The following CSMD1 variants were observed in gnomAD, a reference collection of about 807,000 sequenced individuals.
CSMD1 encodes CUB and Sushi multiple domains 1.
Under a neutral mutation model 417.5 loss-of-function variants are expected in CSMD1, and 213 were observed. The ratio of observed to expected loss-of-function variants is 0.51; its 90% CI spans 0.46 to 0.57. CSMD1 has a LOEUF of 0.57. Among genes scored for constraint, CSMD1 ranks in the 20% least tolerant of loss-of-function variants. The probability of loss-of-function intolerance (pLI) is 0.00; values close to 1 mark genes in which losing one functional copy is unlikely to be tolerated. For synonymous variants in CSMD1, 2,862 were observed against 1,736.8 expected (o/e 1.65, Z -16.11); for missense variants, 6,923 against 4,529.7 (o/e 1.53, Z -15.17).
At chr8:4,110,715 T>C (rs112985781) in intron 3 of CSMD1, among the ~76,000 whole-genome samples, 2,093 of 152,194 alleles carry the variant, frequency 0.014, 43 homozygotes, top group African/African-American at 0.048. Context: ...GGGTTTTTTT[T>C]CCCCTTTCTC....
chr8:3,991,986 A>C (rs1376386250), intron 5 of CSMD1, among the ~76,000 whole-genome samples: 4 of 152,130 alleles, frequency 2.6e-5, no homozygotes, highest in African/African-American at 2.4e-5. Flanking sequence ...CAAAAAAAAT[A>C]CACTATTGAA....
chr8:3,565,215 G>T (rs34339952), intron 10 of CSMD1, among the ~76,000 whole-genome samples: 2,722 of 139,242 alleles, frequency 0.02, 96 homozygotes, highest in African/African-American at 0.058. Context: ...GATAGATAGA[G>T]AGATAGACAG....
chr8:4,381,854 C>G (rs1803128068), intron 3 of CSMD1, among the ~76,000 whole-genome samples: 1 of 152,170 alleles, frequency 6.6e-6, no homozygotes, highest in Admixed American at 6.5e-5. Context: ...CTCAGCATCA[C>G]CTAGGCTCTC....
At chr8:4,012,287 T>G (rs1477834211) in intron 4 of CSMD1, among the ~76,000 whole-genome samples, 1 of 152,180 alleles carries the variant, frequency 6.6e-6, no homozygotes, top group Non-Finnish European at 1.5e-5. Context: ...TGAGTCATCA[T>G]GCCAGTTTCA....
chr8:4,591,196 T>A (rs1232128629), intron 2 of CSMD1, among the ~76,000 whole-genome samples: 1 of 152,188 alleles, frequency 6.6e-6, no homozygotes, highest in Non-Finnish European at 1.5e-5. Flanking sequence ...AGGTATTGGC[T>A]GAGTAAAGAT....
intron 4 of CSMD1, among the ~76,000 whole-genome samples, chr8:4,003,420 A>AAATG (rs1208477572): frequency 2.3e-5 from 1 of 43,564 alleles, no homozygotes; most frequent in Admixed American, 2.0e-4. Context: ...AAAAACAAAC[A>AAATG]AATAAATAAA....
At chr8:3,575,199 C>G in intron 9 of CSMD1, 133 bp from the exon 10 acceptor site, 1 of 942,216 alleles carries the variant, frequency 1.1e-6, no homozygotes, top group African/African-American at 1.7e-5. Flanking sequence ...GGTGCATGGA[C>G]TCCAACTGGG....
At chr8:3,419,547 T>C (rs1390386855) in intron 12 of CSMD1, among the ~76,000 whole-genome samples, 3 of 152,166 alleles carry the variant, frequency 2.0e-5, no homozygotes, top group Non-Finnish European at 4.4e-5. Flanking sequence ...GATATTCAAG[T>C]AACCCTCAGC....
rs1796165471 is a variant in CSMD1, at chr8:3,188,011, C to G, written c.5524-46G>C. On this transcript the variant is annotated intron_variant, in intron 35 of 69. Transcript: ENST00000635120. ...GTTAATATTTATTTTTGGCTTAACA[C>G]AATTAGTCTAATTAGATGGGGTTTT... The G allele has an allele frequency of 2.7e-6, 4 of 1,494,042 alleles. No individual in the cohort carries two copies. The African/African-American group carries it at 5.6e-5, about 21-fold the overall frequency. The allele number at this position is 1,494,042 out of a possible 1,614,324, so 92.5% of individuals were successfully genotyped here.
intron 3 of CSMD1, among the ~76,000 whole-genome samples, chr8:4,101,453 C>T (rs1801301178): frequency 6.6e-6 from 1 of 152,168 alleles, no homozygotes; most frequent in African/African-American, 2.4e-5. Context: ...TGTGCTCTGA[C>T]ACTGTCAAAA....
chr8:4,147,175 CA>C (rs1804189668), intron 3 of CSMD1, among the ~76,000 whole-genome samples: 1 of 152,080 alleles, frequency 6.6e-6, no homozygotes, highest in South Asian at 2.1e-4. Context: ...CCCCTGCCCC[CA>C]CCACCAGGCA....
At chr8:3,130,428 C>A (rs961737293) in intron 41 of CSMD1, among the ~76,000 whole-genome samples, 1 of 152,060 alleles carries the variant, frequency 6.6e-6, no homozygotes, top group Admixed American at 6.5e-5. Flanking sequence ...CCCTGCTCTA[C>A]TCTTCCCTCG....
intron 1 of CSMD1, among the ~76,000 whole-genome samples, chr8:4,919,665 T>G (rs141327790): frequency 1.3e-5 from 2 of 152,330 alleles, no homozygotes; most frequent in East Asian, 3.9e-4. Context: ...ATTGTACTAC[T>G]AATTAACATA....
chr8:4,175,632 T>C (rs150209149), intron 3 of CSMD1, among the ~76,000 whole-genome samples: 56 of 152,288 alleles, frequency 3.7e-4, no homozygotes, highest in African/African-American at 1.3e-3. Flanking sequence ...TAATTTGTGA[T>C]GGCAAAAACT....
At chr8:4,360,542 G>A (rs4875099) in intron 3 of CSMD1, among the ~76,000 whole-genome samples, 1 of 151,876 alleles carries the variant, frequency 6.6e-6, no homozygotes, top group East Asian at 1.9e-4. Context: ...CAGGCTGGAG[G>A]GCAGTGGCGC....
rs184666752 is a variant in CSMD1 at position 4,719,141 on chromosome 8, A to T, written c.86-81583T>A. 7.0e-4 allele frequency among the ~76,000 whole-genome samples: 106 copies of T among 152,318 alleles called. No individual in the cohort carries two copies. The East Asian group carries it at 0.019, about 28-fold the overall frequency. ...AATGATGAACAAGAAACTAAAGACA[A>T]TGATGGCCTGGAGAAAGGCAGGTGA... On this transcript the variant is annotated intron_variant, in intron 1 of 69. Coordinates refer to ENST00000635120, the MANE Select transcript of CSMD1 (RefSeq NM_033225.6).
At chr8:3,968,204 A>G (rs1042392342) in intron 5 of CSMD1, among the ~76,000 whole-genome samples, 1 of 151,464 alleles carries the variant, frequency 6.6e-6, no homozygotes, top group East Asian at 1.9e-4. Flanking sequence ...AATAATAATA[A>G]TAATAAATAA....
At chr8:3,791,222 C>A (rs1047532655) in intron 5 of CSMD1, among the ~76,000 whole-genome samples, 1 of 152,152 alleles carries the variant, frequency 6.6e-6, no homozygotes, top group African/African-American at 2.4e-5. Context: ...AAACTTCCAC[C>A]ACCAAAATGC....
rs142128756 is a variant in CSMD1, at chr8:3,741,743, T to C, written c.931+12187A>G. Among the ~76,000 whole-genome samples the C allele has an allele frequency of 4.8e-4, 73 of 152,232 alleles. No individual in the cohort carries two copies. The East Asian group carries it at 6.4e-3, about 13-fold the overall frequency. On this transcript the variant is annotated intron_variant, in intron 6 of 69. Transcript: ENST00000635120. ...GCATTCTTACTGAGAAAGAAGAAAA[T>C]ACCCAGTGGTGGTTGAATTTATTTG...
Sources: gnomAD v4.1 joint callset for allele counts (sites outside exome capture counted in the v4.1 genomes callset) on GRCh38, gnomAD v4.1.1 for gene constraint, MANE v1.5 for transcripts, NCBI Gene and HGNC (gene_info 2026-07-23, HGNC 2026-07-21) for gene names.